The following TMEM114 variants were observed in gnomAD, a reference collection of about 807,000 sequenced individuals.
TMEM114 encodes transmembrane protein 114.
A neutral mutation model predicts 6.2 loss-of-function variants in TMEM114; 6 were observed. That is an observed-to-expected ratio of 0.97 (90% CI 0.53 to 1.91). TMEM114 has a LOEUF of 1.91. Among genes scored for constraint, TMEM114 ranks in the 40% most tolerant of loss-of-function variants. TMEM114 has a pLI of 0.01. For missense variants in TMEM114, 218 were observed against 158.3 expected, an observed-to-expected ratio of 1.38 and a Z score of -2.02; for synonymous variants, 104 against 73.0, an observed-to-expected ratio of 1.42 and a Z score of -2.16.
intron 2 of TMEM114, among the ~76,000 whole-genome samples, chr16:8,537,984 GT>G (rs1034101546): frequency 6.6e-6 from 1 of 151,974 alleles, no homozygotes; most frequent in Non-Finnish European, 1.5e-5. Flanking sequence ...GCAGGGGTGG[GT>G]GGGGGGCAAT....
the TMEM114 span, among the ~76,000 whole-genome samples, chr16:8,531,763 A>G: frequency 2.2e-3 from 340 of 152,380 alleles, 2 homozygotes; most frequent in Non-Finnish European, 3.5e-3. Flanking sequence ...TGAAATGATC[A>G]ATGTAACAGT....
intron 2 of TMEM114, among the ~76,000 whole-genome samples, chr16:8,577,716 T>G (rs367773683): frequency 5.5e-4 from 83 of 152,206 alleles, no homozygotes; most frequent in African/African-American, 1.8e-3. Flanking sequence ...CCTGAGGAGC[T>G]GGGACTATAG....
chr16:8,536,103 T>C (rs949788778), downstream of TMEM114, among the ~76,000 whole-genome samples: 12 of 151,872 alleles, frequency 7.9e-5, no homozygotes, highest in Admixed American at 5.2e-4. Flanking sequence ...CGTGCACCTG[T>C]AATCCCAGCT....
chr16:8,587,568 C>G (rs1902355220), intron 2 of TMEM114, among the ~76,000 whole-genome samples: 1 of 152,234 alleles, frequency 6.6e-6, no homozygotes. Flanking sequence ...GTTCCAAGAA[C>G]TGGCCAAGGC....
rs528420512 is a variant in TMEM114, at chr16:8,551,326, C to T, written n.213-13500G>A. 5.3e-5 allele frequency among the ~76,000 whole-genome samples: 8 copies of T among 152,300 alleles called. No homozygotes were observed. In the South Asian group the frequency reaches 8.3e-4, roughly 16 times the overall value. On this transcript the variant is annotated intron_variant and non_coding_transcript_variant, in intron 2 of 2. Coordinates refer to the TMEM114 transcript ENST00000623677. ...TTCTTCAGATAAGTTAGTCAGACAC[C>T]ATGTGTTTGAATCCAAGCTCCAGCC...
chr16:8,563,577 ATGAG>A (rs1196791514), intron 2 of TMEM114, among the ~76,000 whole-genome samples: 1 of 141,216 alleles, frequency 7.1e-6, no homozygotes, highest in African/African-American at 2.7e-5. Flanking sequence ...GAGGGAGGAA[ATGAG>A]TGAGTGAATG....
In TMEM114 at chr16:8,569,705, G is replaced by A. The variant is rs989997739; in HGVS notation, c.*68C>T. The A allele has an allele frequency of 1.1e-5, 17 of 1,479,868 alleles. No individual in the cohort carries two copies. Among genetic ancestry groups the A allele is most frequent in the East Asian group, 1.0e-4 (4 of 40,044 alleles). 91.7% of individuals were successfully genotyped at this position (1,479,868 alleles called of 1,614,324 possible). A position where few individuals can be genotyped will look rare whatever the true frequency, so the allele number is the denominator to read the frequency against. The stretch of plus-strand genomic sequence containing the variant: ...CTTTGAGGAAGAAGAGGCCGCAGCC[G>A]ATGGAGATCGGTCGGTGAAGCTCCG... On this transcript the variant is annotated 3_prime_UTR_variant, in exon 4 of 4. Coordinates refer to ENST00000620492, the MANE Select transcript of TMEM114 (RefSeq NM_001146336.2).
downstream of TMEM114, among the ~76,000 whole-genome samples, chr16:8,535,709 A>T (rs147723941): frequency 2.6e-4 from 39 of 152,226 alleles, no homozygotes; most frequent in East Asian, 7.0e-3. Context: ...TCACCTGCAA[A>T]TTTTGGTTCC....
Position 8,569,842 on chromosome 16 carries a change from G to A in TMEM114, c.603C>T (p.Leu201=). The A allele has an allele frequency of 6.4e-7, 1 of 1,551,030 alleles. No homozygotes were observed. Among genetic ancestry groups the A allele is most frequent in the African/African-American group, 1.4e-5 (1 of 73,182 alleles). ...CTGCTGCCAGGAAGGCTGCCCCGGT[G>A]AGCAGCTCGGCGATGAAGCTGATCC... ...LGWISFIAEL[L]TGAAFLAAAR... Residue 201 remains leucine (L), a synonymous_variant, in exon 4 of 4, where the codon CTC becomes CTT. Transcript: ENST00000620492.
intron 2 of TMEM114, among the ~76,000 whole-genome samples, chr16:8,564,051 G>A (rs146270817): frequency 0.091 from 13,694 of 150,746 alleles, 886 homozygotes; most frequent in Middle Eastern, 0.18. Flanking sequence ...ATGAGTGAGT[G>A]AATGAGTAAA....
intron 2 of TMEM114, among the ~76,000 whole-genome samples, chr16:8,579,491 G>A (rs1026556266): frequency 2.6e-5 from 4 of 152,052 alleles, no homozygotes; most frequent in African/African-American, 7.2e-5. Flanking sequence ...AGTCTGTCCT[G>A]GAGGATGGGG....
chr16:8,531,289 A>C, the TMEM114 span, among the ~76,000 whole-genome samples: 1 of 152,330 alleles, frequency 6.6e-6, no homozygotes, highest in East Asian at 1.9e-4. Context: ...ATTTCTGTTC[A>C]AAATATAATT....
chr16:8,534,681 C>G (rs996448439), downstream of TMEM114, among the ~76,000 whole-genome samples: 2 of 152,216 alleles, frequency 1.3e-5, no homozygotes, highest in African/African-American at 4.8e-5. Context: ...TTGTTACTGA[C>G]TTTGAGCAAG....
At chr16:8,553,964 T>C (rs1405988885) in intron 2 of TMEM114, among the ~76,000 whole-genome samples, 2 of 151,896 alleles carry the variant, frequency 1.3e-5, no homozygotes, top group African/African-American at 2.4e-5. Flanking sequence ...CTGCAACCTC[T>C]GGCTCCCAGG....
chr16:8,582,242 G>T, intron 2 of TMEM114, among the ~76,000 whole-genome samples: 1 of 152,106 alleles, frequency 6.6e-6, no homozygotes, highest in East Asian at 1.9e-4. Context: ...CATCTGACCA[G>T]CCTGGCCTCT....
chr16:8,570,087 A>G, intron 3 of TMEM114, 82 bp from the exon 4 acceptor site: 1 of 1,476,816 alleles, frequency 6.8e-7, no homozygotes, highest in Non-Finnish European at 9.1e-7. Context: ...CTGCCCAGCC[A>G]CGCTGCTCAG....
intron 2 of TMEM114, among the ~76,000 whole-genome samples, chr16:8,573,574 G>GTT (rs35282264): frequency 6.5e-4 from 98 of 149,984 alleles, no homozygotes; most frequent in Non-Finnish European, 9.7e-4. Context: ...CAAGTGCAAA[G>GTT]TTTTTTTTTT....
chr16:8,573,419 T>A (rs1356532545), intron 2 of TMEM114, among the ~76,000 whole-genome samples: 1 of 151,896 alleles, frequency 6.6e-6, no homozygotes, highest in African/African-American at 2.4e-5. Context: ...ACTTGTAAAA[T>A]CAGCAAGTGG....
At chr16:8,547,062 G>C (rs1248180945) in intron 2 of TMEM114, among the ~76,000 whole-genome samples, 1 of 152,196 alleles carries the variant, frequency 6.6e-6, no homozygotes, top group Non-Finnish European at 1.5e-5. Context: ...GCATATAATG[G>C]TTGCTGCAGG....
Sources: allele counts gnomAD v4.1 joint callset (sites outside exome capture counted in the v4.1 genomes callset), GRCh38; gene constraint gnomAD v4.1.1; transcripts MANE v1.5; gene names NCBI Gene and HGNC (gene_info 2026-07-23, HGNC 2026-07-21).